The following USH2A variants were observed in gnomAD, a reference collection of about 807,000 sequenced individuals.
USH2A encodes Usher syndrome 2A (autosomal recessive, mild).
Under a neutral mutation model 538.9 loss-of-function variants are expected in USH2A, and 443 were observed. The ratio of observed to expected loss-of-function variants is 0.82; its 90% CI spans 0.76 to 0.89. The LOEUF (loss-of-function observed/expected upper bound fraction) is 0.89. Among genes scored for constraint, USH2A ranks in the 40% least tolerant of loss-of-function variants. The pLI is 0.00. For synonymous variants in USH2A, 2,413 were observed against 2,273.5 expected (o/e 1.06, Z -1.75); for missense variants, 6,633 against 6,324.8 (o/e 1.05, Z -1.65).
At chr1:216,408,243 A>T (rs2039428447) in intron 3 of USH2A, among the ~76,000 whole-genome samples, 2 of 152,294 alleles carry the variant, frequency 1.3e-5, no homozygotes, top group South Asian at 4.1e-4. Flanking sequence ...TAGACTGATG[A>T]TAACATTCAG....
At chr1:216,009,501 G>T (rs574776691) in intron 32 of USH2A, among the ~76,000 whole-genome samples, 1 of 152,060 alleles carries the variant, frequency 6.6e-6, no homozygotes, top group East Asian at 1.9e-4. Context: ...GGTGCCTGAC[G>T]TCTAGGCATT....
At chr1:215,853,646 C>T (rs1213470781) in intron 44 of USH2A, among the ~76,000 whole-genome samples, 1 of 152,206 alleles carries the variant, frequency 6.6e-6, no homozygotes, top group Admixed American at 6.5e-5. Context: ...GCACCCAAGT[C>T]ACCTCTTGAA....
chr1:216,183,257 CT>C (rs1170562879), intron 20 of USH2A, among the ~76,000 whole-genome samples: 1 of 151,872 alleles, frequency 6.6e-6, no homozygotes, highest in Non-Finnish European at 1.5e-5. Flanking sequence ...TATAGGCTTG[CT>C]GTGGATCGAG....
At chr1:215,937,143 A>C (rs1439208664) in intron 37 of USH2A, among the ~76,000 whole-genome samples, 1 of 152,130 alleles carries the variant, frequency 6.6e-6, no homozygotes, top group Non-Finnish European at 1.5e-5. Flanking sequence ...AAAGGAAATA[A>C]ACAGTGCTTG....
At chr1:216,208,282 A>G (rs2035163474) in intron 15 of USH2A, among the ~76,000 whole-genome samples, 1 of 152,202 alleles carries the variant, frequency 6.6e-6, no homozygotes. Context: ...AGTTTAAACA[A>G]GATGCACAAT....
chr1:216,397,501 A>G (rs902545610), intron 3 of USH2A, among the ~76,000 whole-genome samples: 54 of 152,290 alleles, frequency 3.5e-4, no homozygotes, highest in African/African-American at 1.0e-3. Context: ...GTACCATCCA[A>G]TCAGCTGCAG....
intron 44 of USH2A, among the ~76,000 whole-genome samples, chr1:215,853,532 T>A (rs925976148): frequency 6.6e-6 from 1 of 152,224 alleles, no homozygotes; most frequent in African/African-American, 2.4e-5. Context: ...CTGTCTTGAA[T>A]TTCTTTTCAG....
intron 3 of USH2A, among the ~76,000 whole-genome samples, chr1:216,397,280 T>G (rs1008818171): frequency 2.6e-5 from 4 of 152,220 alleles, no homozygotes; most frequent in African/African-American, 9.6e-5. Flanking sequence ...ACTTTACAAC[T>G]TGCCAATACA....
At chr1:216,034,919 C>G (rs1669213101) in intron 32 of USH2A, among the ~76,000 whole-genome samples, 1 of 152,162 alleles carries the variant, frequency 6.6e-6, no homozygotes, top group Non-Finnish European at 1.5e-5. Context: ...AAACTAATCA[C>G]TCCTATAAAG....
chr1:216,347,223 A>G (rs1007907353), intron 4 of USH2A, among the ~76,000 whole-genome samples: 1 of 152,234 alleles, frequency 6.6e-6, no homozygotes, highest in East Asian at 1.9e-4. Flanking sequence ...GGTTGTTTCT[A>G]AAAAAGAAAT....
intron 9 of USH2A, among the ~76,000 whole-genome samples, chr1:216,303,966 G>C (rs2037265711): frequency 1.3e-5 from 2 of 151,978 alleles, no homozygotes; most frequent in East Asian, 1.9e-4. Flanking sequence ...ATTGTGAATA[G>C]AGTCACCTCC....
At chr1:215,842,791 C>T (rs947200368) in intron 46 of USH2A, among the ~76,000 whole-genome samples, 5 of 151,962 alleles carry the variant, frequency 3.3e-5, no homozygotes, top group African/African-American at 1.2e-4. Context: ...AGGGGAACAA[C>T]ACACACTGGG....
In USH2A at chr1:216,084,806, T is replaced by G. The variant is rs144213699; in HGVS notation, c.5059A>C (p.Ile1687Leu). 16 of 1,613,442 alleles carry G rather than the reference T, an allele frequency of 9.9e-6. 1 individual carries two copies. Among genetic ancestry groups the G allele is most frequent in the Non-Finnish European group, 1.2e-5 (14 of 1,179,680 alleles). Reference protein sequence around the residue: ...HFMKNYNPSAIWEPLDWQSSE... With the variant: ...HFMKNYNPSALWEPLDWQSSE... ...CTCTGCCAATCCAGAGGTTCCCAAATAGCTGACGGATTGTAATTCTTCATA... is the reference window on the plus strand; with the variant it reads ...CTCTGCCAATCCAGAGGTTCCCAAAGAGCTGACGGATTGTAATTCTTCATA... Residue 1687 changes from isoleucine to leucine, a missense_variant, in exon 25 of 72, where the codon ATT (isoleucine) becomes CTT (leucine). Ile to Leu is a conservative substitution (Grantham distance 5). Transcript: ENST00000307340.
Position 215,877,757 on chromosome 1 carries a change from C to G in USH2A, c.8681+1G>C. 6.2e-7 allele frequency: 1 copy of G among 1,613,562 alleles called. No individual in the cohort carries two copies. Among genetic ancestry groups the G allele is most frequent in the Non-Finnish European group, 8.5e-7 (1 of 1,179,586 alleles). On this transcript the variant is annotated splice_donor_variant, in intron 43 of 71. Coordinates refer to ENST00000307340, the MANE Select transcript of USH2A (RefSeq NM_206933.4). LOFTEE classifies it high-confidence loss of function. ...TGTTTTTATAGTTTTTGTAATCTCA[C>G]CTGCTAAGACCCTTATCTTCATAAA...
chr1:215,967,916 C>T (rs576361176), intron 36 of USH2A, among the ~76,000 whole-genome samples: 2 of 152,066 alleles, frequency 1.3e-5, no homozygotes, highest in Non-Finnish European at 2.9e-5. Context: ...CCTGGAGAAT[C>T]GATCCAATGA....
intron 64 of USH2A, among the ~76,000 whole-genome samples, chr1:215,660,604 T>C (rs936795585): frequency 1.3e-5 from 2 of 152,176 alleles, no homozygotes; most frequent in Non-Finnish European, 2.9e-5. Flanking sequence ...AAAATATTGC[T>C]CTACAATGAA....
At chr1:215,667,216 C>A (rs1657633538) in intron 64 of USH2A, among the ~76,000 whole-genome samples, 1 of 152,156 alleles carries the variant, frequency 6.6e-6, no homozygotes, top group African/African-American at 2.4e-5. Flanking sequence ...TTAGGGCATT[C>A]CATATTGAAG....
intron 21 of USH2A, among the ~76,000 whole-genome samples, chr1:216,142,375 T>C (rs2033619240): frequency 6.6e-6 from 1 of 152,244 alleles, no homozygotes; most frequent in South Asian, 2.1e-4. Context: ...AATGCAGATA[T>C]AAGTTCAATC....
chr1:215,666,220 C>T (rs1277229627), intron 64 of USH2A, among the ~76,000 whole-genome samples: 8 of 151,990 alleles, frequency 5.3e-5, no homozygotes, highest in African/African-American at 9.7e-5. Flanking sequence ...CACCAAAGAC[C>T]GGACCTCCCA....
Sources: allele counts gnomAD v4.1 joint callset (sites outside exome capture counted in the v4.1 genomes callset), GRCh38; gene constraint gnomAD v4.1.1; transcripts MANE v1.5; gene names NCBI Gene and HGNC (gene_info 2026-07-23, HGNC 2026-07-21).